CLNK: variants seen among roughly 807,000 people sequenced by gnomAD.
CLNK encodes the protein cytokine-dependent hematopoietic cell linker.
In CLNK, 74 loss-of-function variants were observed where a neutral mutation model predicts 68.6. That is an observed-to-expected ratio of 1.08 (90% confidence interval 0.89 to 1.31). The LOEUF (loss-of-function observed/expected upper bound fraction) is 1.31, where lower values mean the gene tolerates loss of function less well. Ranked by LOEUF, CLNK falls within the 50% of genes most tolerant of loss-of-function variation. The pLI, the probability that CLNK is intolerant of heterozygous loss-of-function variation, is 0.00. For missense variants in CLNK, 553 were observed against 515.3 expected (o/e 1.07, Z -0.71); for synonymous variants, 198 against 172.2 (o/e 1.15, Z -1.17).
chr4:10,571,849 C>A, intron 4 of CLNK, 71 bp from the exon 5 acceptor site: 1 of 1,190,028 alleles, frequency 8.4e-7, no homozygotes, highest in Non-Finnish European at 1.2e-6. Flanking sequence ...AGACTGGGCC[C>A]TTGTTTTTCT....
chr4:10,504,657 T>C (rs1196351565), intron 17 of CLNK, among the ~76,000 whole-genome samples: 4 of 152,140 alleles, frequency 2.6e-5, no homozygotes, highest in South Asian at 2.1e-4. Context: ...TAGTCATAAT[T>C]GAAGCCTTAA....
chr4:10,584,794 G>T, intron 4 of CLNK, 133 bp downstream of exon 4: 4 of 931,060 alleles, frequency 4.3e-6, no homozygotes, highest in South Asian at 3.0e-5. Flanking sequence ...TGGAAGGAAT[G>T]GCATTACTAG....
At chr4:10,686,935 A>G (rs147863964), upstream of CLNK, among the ~76,000 whole-genome samples, 146 of 152,258 alleles carry the variant, frequency 9.6e-4, 1 homozygote, top group East Asian at 0.025. Context: ...TCATTAATTT[A>G]TTATCTATTG....
intron 2 of CLNK, among the ~76,000 whole-genome samples, chr4:10,618,880 C>T (rs574288038): frequency 6.6e-6 from 1 of 152,326 alleles, no homozygotes; most frequent in East Asian, 1.9e-4. Flanking sequence ...GATCCAATCA[C>T]GTCCCACCAG....
intron 17 of CLNK, among the ~76,000 whole-genome samples, chr4:10,503,073 G>A (rs1717121225): frequency 6.6e-6 from 1 of 152,208 alleles, no homozygotes; most frequent in African/African-American, 2.4e-5. Flanking sequence ...ACCAGGCTTA[G>A]TTTTGTGGTT....
At chr4:10,524,211 T>C (rs762912834) in intron 14 of CLNK, among the ~76,000 whole-genome samples, 1 of 151,998 alleles carries the variant, frequency 6.6e-6, no homozygotes, top group Non-Finnish European at 1.5e-5. Context: ...CTACATGTCC[T>C]AGTACCCACA....
the CLNK span, among the ~76,000 whole-genome samples, chr4:10,706,903 G>A: frequency 6.6e-6 from 1 of 152,160 alleles, no homozygotes; most frequent in Non-Finnish European, 1.5e-5. Context: ...TGATGGGAAG[G>A]GAAGTTGAAC....
At chr4:10,682,977 A>G (rs536110873) in intron 1 of CLNK, among the ~76,000 whole-genome samples, 1 of 152,298 alleles carries the variant, frequency 6.6e-6, no homozygotes, top group South Asian at 2.1e-4. Flanking sequence ...ACTGATTTGG[A>G]GTGAGGAAAG....
At chr4:10,551,727 G>A (rs762827259) in intron 8 of CLNK, among the ~76,000 whole-genome samples, 10 of 152,176 alleles carry the variant, frequency 6.6e-5, no homozygotes, top group Non-Finnish European at 1.0e-4. Flanking sequence ...TAAATAGCCA[G>A]CCCTAGTGTT....
At chr4:10,668,152 C>A (rs1020840479) in intron 1 of CLNK, among the ~76,000 whole-genome samples, 1 of 152,176 alleles carries the variant, frequency 6.6e-6, no homozygotes, top group African/African-American at 2.4e-5. Context: ...CCCCCGGGAG[C>A]TGAGCAAACA....
At chr4:10,624,595 T>C (rs1451473619) in intron 2 of CLNK, among the ~76,000 whole-genome samples, 3 of 5,222 alleles carry the variant, frequency 5.7e-4, no homozygotes, top group African/African-American at 1.8e-3. Flanking sequence ...CCCGGCCAGT[T>C]TTTTTTTTTT....
At chr4:10,540,418 G>T in intron 11 of CLNK, 76 bp downstream of exon 11, 12 of 1,101,072 alleles carry the variant, frequency 1.1e-5, no homozygotes, top group South Asian at 1.0e-4. Context: ...AAGGTACTTT[G>T]TTTGGTTTCC....
intron 15 of CLNK, among the ~76,000 whole-genome samples, chr4:10,514,624 G>A (rs937560773): frequency 3.3e-5 from 5 of 150,510 alleles, no homozygotes; most frequent in South Asian, 2.1e-4. Context: ...AGATTTAAAC[G>A]TTAGACCAAA....
At position 10,490,125 on chromosome 4, in the gene CLNK, G is replaced by C. The variant is rs923688152; in HGVS notation, c.*342C>G. On this transcript the variant is annotated 3_prime_UTR_variant, in exon 19 of 19. Transcript: ENST00000226951. The stretch of plus-strand genomic sequence containing the variant: ...AAACATTTAAGCAACAGCTTCTGGT[G>C]CCCTTTGCTGCTCGCCTGTATCATG... 10 of 205,436 alleles carry C rather than the reference G, an allele frequency of 4.9e-5. No homozygotes were observed. The allele number at this position is 205,436 out of a possible 1,614,324, so 12.7% of individuals were successfully genotyped here. A position where few individuals can be genotyped will look rare whatever the true frequency, so the allele number is the denominator to read the frequency against.
intron 1 of CLNK, among the ~76,000 whole-genome samples, chr4:10,675,714 T>A (rs1411000265): frequency 6.6e-6 from 1 of 152,136 alleles, no homozygotes; most frequent in Admixed American, 6.6e-5. Flanking sequence ...GCTTAGGAAA[T>A]GTCATTCTAA....
At chr4:10,663,479 A>G (rs1358893258) in intron 2 of CLNK, among the ~76,000 whole-genome samples, 2 of 152,180 alleles carry the variant, frequency 1.3e-5, no homozygotes, top group African/African-American at 4.8e-5. Flanking sequence ...AGGTGTGTGA[A>G]ATGTATACTC....
chr4:10,709,121 C>T, the CLNK span, among the ~76,000 whole-genome samples: 1 of 152,172 alleles, frequency 6.6e-6, no homozygotes, highest in Admixed American at 6.5e-5. Context: ...TGGTATCAGA[C>T]ATGAATCAGG....
chr4:10,658,486 G>A (rs1005532962), intron 2 of CLNK, among the ~76,000 whole-genome samples: 1 of 152,138 alleles, frequency 6.6e-6, no homozygotes, highest in Non-Finnish European at 1.5e-5. Flanking sequence ...TTCCTCTAGG[G>A]GTCTCTGGTG....
At chr4:10,570,212 G>T (rs182696818) in intron 5 of CLNK, among the ~76,000 whole-genome samples, 1 of 152,302 alleles carries the variant, frequency 6.6e-6, no homozygotes, top group Admixed American at 6.5e-5. Flanking sequence ...GGAAGTCTTG[G>T]ACCTGCTGGA....
Sources: gnomAD v4.1 joint callset for allele counts (sites outside exome capture counted in the v4.1 genomes callset) on GRCh38, gnomAD v4.1.1 for gene constraint, MANE v1.5 for transcripts, NCBI Gene and HGNC (gene_info 2026-07-23, HGNC 2026-07-21) for gene names.